The following PRMT9 variants were observed in gnomAD, a reference collection of about 807,000 sequenced individuals.
PRMT9 encodes the protein protein arginine methyltransferase 9.
In PRMT9, 59 loss-of-function variants were observed where a neutral mutation model predicts 83.2. The observed-to-expected ratio is 0.71, with a 90% CI of 0.57 to 0.88. The LOEUF is 0.88. PRMT9 is among the 40% of genes least tolerant of loss of function. The pLI is 0.00. For missense variants in PRMT9, 947 were observed against 1,021.9 expected, an observed-to-expected ratio of 0.93 and a Z score of 1.00; for synonymous variants, 333 against 353.2, an observed-to-expected ratio of 0.94 and a Z score of 0.64.
At chr4:147,640,546 C>A (rs533118631) in intron 10 of PRMT9, among the ~76,000 whole-genome samples, 1 of 152,248 alleles carries the variant, frequency 6.6e-6, no homozygotes, top group African/African-American at 2.4e-5. Flanking sequence ...AAATTTAAAT[C>A]TTCAGCCCAG....
At chr4:147,680,559 G>A (rs886383843) in intron 1 of PRMT9, 88 bp from the exon 2 acceptor site, 49 of 1,032,082 alleles carry the variant, frequency 4.7e-5, no homozygotes, top group South Asian at 5.6e-5. Flanking sequence ...CCAAGCAATC[G>A]AACTTAATCA....
At chr4:147,682,150 C>G (rs918579219) in intron 1 of PRMT9, among the ~76,000 whole-genome samples, 1 of 152,090 alleles carries the variant, frequency 6.6e-6, no homozygotes, top group Non-Finnish European at 1.5e-5. Context: ...GGACTACAGG[C>G]ACATGCCACC....
In PRMT9 at chr4:147,654,174, C is replaced by T. The variant is rs1415017824; in HGVS notation, c.1723G>A (p.Val575Ile). 2 of 1,614,184 alleles carry T rather than the reference C, an allele frequency of 1.2e-6. No individual in the cohort carries two copies. Among genetic ancestry groups the T allele is most frequent in the East Asian group, 2.2e-5 (1 of 44,878 alleles). Residue 575 changes from valine (V) to isoleucine (I), a missense_variant, in exon 9 of 12, where the codon GTA becomes ATA. Coordinates refer to ENST00000322396, the MANE Select transcript of PRMT9 (RefSeq NM_138364.4). Reference sequence around the variant, plus strand: ...TAGAAAGGTTCAAGGATGTTCTGTACAGTATTACTCTGTCCAGTTCCAGAG... The same window carrying T: ...TAGAAAGGTTCAAGGATGTTCTGTATAGTATTACTCTGTCCAGTTCCAGAG... ...MSSGTGQSNT[V>I]QNILEPFYVL...
Position 147,672,984 on chromosome 4 carries a change from C to CT in PRMT9, c.717dup (p.Glu240ArgfsTer47). On this transcript the variant is annotated frameshift_variant, in exon 4 of 12. Transcript: ENST00000322396. LOFTEE classifies it high-confidence loss of function. ...CTTTCGGGAATATGTTTTGGAATCTCTATGTCAAGTGACTTCGTATGTAAG... is the reference window on the plus strand; with the variant it reads ...CTTTCGGGAATATGTTTTGGAATCTCTTATGTCAAGTGACTTCGTATGTAAG... 2 of 1,613,868 alleles carry CT rather than the reference C, an allele frequency of 1.2e-6. No individual in the cohort carries two copies. The highest frequency in any genetic ancestry group is 8.5e-7 in the Non-Finnish European group (1 of 1,179,834).
chr4:147,642,917 T>C lies in PRMT9; in HGVS notation c.2069A>G (p.Lys690Arg), dbSNP rs762123829. ...CATCAGCACATACTGAGGAAAGATC[T>C]TGCCTCCAGATTGTAGTAAACACCT... ...ISRCLLQSGG[K>R]IFPQYVLMFG... The change falls in exon 10 of 12, where the codon AAG becomes AGG. Residue 690 changes from lysine to arginine, a missense_variant. By Grantham distance (26) the Lys-to-Arg change is conservative. Coordinates refer to ENST00000322396, the MANE Select transcript of PRMT9 (RefSeq NM_138364.4). 1 of 1,614,078 alleles carries C rather than the reference T, an allele frequency of 6.2e-7. No individual in the cohort carries two copies. Among genetic ancestry groups the C allele is most frequent in the Non-Finnish European group, 8.5e-7 (1 of 1,179,936 alleles).
chr4:147,652,293 A>T (rs761749433), intron 9 of PRMT9, among the ~76,000 whole-genome samples: 2 of 152,174 alleles, frequency 1.3e-5, no homozygotes, highest in African/African-American at 2.4e-5. Context: ...CAAAAAATAA[A>T]AAATAATAAA....
chr4:147,671,885 A>G, intron 4 of PRMT9: 1 of 456,252 alleles, frequency 2.2e-6, no homozygotes. Flanking sequence ...CCCGAAACTG[A>G]CTATACTGGA....
In PRMT9 at chr4:147,659,355, C is replaced by T. The variant is rs573192328; in HGVS notation, c.1147-1380G>A. 1.3e-3 allele frequency among the ~76,000 whole-genome samples: 200 copies of T among 150,802 alleles called. 1 individual carries two copies. Among genetic ancestry groups the T allele is most frequent in the Middle Eastern group, 3.4e-3 (1 of 294 alleles). On this transcript the variant is annotated intron_variant, in intron 7 of 11. Coordinates refer to ENST00000322396, the MANE Select transcript of PRMT9 (RefSeq NM_138364.4). ...AGTGGAGGCTGCAGTGAGCCAAGAT[C>T]GCACCACTGCACTCCAGCCTAGGCA...
rs369523108 is a variant in PRMT9, at chr4:147,673,163, A to G, written c.576-37T>C. 53 of 1,594,202 alleles carry G rather than the reference A, an allele frequency of 3.3e-5. No homozygotes were observed. The African/African-American group carries it at 6.9e-4, about 21-fold the overall frequency. ...AAAAGTTCTCCATCAAGAAAAAATA[A>G]TCTACTGTATTTTCTCAAATTTTAA... is the stretch of plus-strand genomic sequence containing the variant. On this transcript the variant is annotated intron_variant, in intron 3 of 11. Coordinates refer to ENST00000322396, the MANE Select transcript of PRMT9 (RefSeq NM_138364.4).
rs1305585873 is a variant in PRMT9, at chr4:147,654,651, C to A, written c.1331-85G>T. 3 of 850,544 alleles carry A rather than the reference C, an allele frequency of 3.5e-6. No individual in the cohort carries two copies. The East Asian group carries it at 7.3e-5, about 21-fold the overall frequency. 52.7% of individuals were successfully genotyped at this position (850,544 alleles called of 1,614,324 possible). ...TAAACATCTCCATCCTCCATCTAGC[C>A]CCCCATTCTTTAGATCACTATAGAA... On this transcript the variant is annotated intron_variant, in intron 8 of 11. Transcript: ENST00000322396.
Position 147,672,950 on chromosome 4 carries a change from T to C in PRMT9, c.743+9A>G, listed in dbSNP as rs200252024. 1.6e-4 allele frequency: 252 copies of C among 1,610,124 alleles called. 1 individual carries two copies. The highest frequency in any genetic ancestry group is 2.9e-4 in the East Asian group (13 of 44,832). ...GTATAAACACTAAAATTAGTTTACA[T>C]GATAATACCTTTCGGGAATATGTTT... is the stretch of plus-strand genomic sequence containing the variant. On this transcript the variant is annotated intron_variant, in intron 4 of 11. Coordinates refer to ENST00000322396, the MANE Select transcript of PRMT9 (RefSeq NM_138364.4).
At position 147,680,411 on chromosome 4, in the gene PRMT9, G is replaced by A; in HGVS notation, c.250C>T (p.Gln84Ter). 6.2e-6 allele frequency: 10 copies of A among 1,614,014 alleles called. No individual in the cohort carries two copies. The highest frequency in any genetic ancestry group is 1.3e-5 in the African/African-American group (1 of 75,036). ...AEELDALSRI[Q>*]DLLGCYEQAL... is the part of the protein sequence containing the mutation. ...TGCTCATAGCAACCAAGTAAGTCTT[G>A]TATCCGACTGAGAGCATCAAGCTCT... Residue 84 changes from glutamine to a stop codon, truncating the protein, a stop_gained, in exon 2 of 12, where the codon CAA (glutamine) becomes TAA (stop). Coordinates refer to ENST00000322396, the MANE Select transcript of PRMT9 (RefSeq NM_138364.4). LOFTEE classifies it high-confidence loss of function.
At chr4:147,677,848 G>T (rs1342238553) in intron 2 of PRMT9, among the ~76,000 whole-genome samples, 1 of 152,098 alleles carries the variant, frequency 6.6e-6, no homozygotes, top group Admixed American at 6.6e-5. Flanking sequence ...ATCCAAAATT[G>T]TAATAAATAT....
At chr4:147,650,092 T>G (rs546713487) in intron 9 of PRMT9, among the ~76,000 whole-genome samples, 1 of 152,206 alleles carries the variant, frequency 6.6e-6, no homozygotes, top group Non-Finnish European at 1.5e-5. Context: ...ACTTAAAGAC[T>G]GACAGCTTTT....
chr4:147,670,786 T>G (rs752197617), intron 4 of PRMT9, 43 bp from the exon 5 acceptor site: 1 of 1,248,968 alleles, frequency 8.0e-7, no homozygotes, highest in Non-Finnish European at 1.2e-6. Context: ...TAAAATATCA[T>G]GCTATTATAT....
Position 147,638,960 on chromosome 4 carries a change from C to T in PRMT9, c.2322G>A (p.Lys774=), listed in dbSNP as rs1733194839. 3 of 1,611,120 alleles carry T rather than the reference C, an allele frequency of 1.9e-6. No individual in the cohort carries two copies. The highest frequency in any genetic ancestry group is 3.3e-5 in the Admixed American group (2 of 59,970). The change falls in exon 11 of 12, where the codon AAG becomes AAA. Residue 774 remains lysine, a splice_region_variant and synonymous_variant. Coordinates refer to ENST00000322396, the MANE Select transcript of PRMT9 (RefSeq NM_138364.4). ...AAATCATTTTGCATGTTGTCCTTAC[C>T]TTTACTTCTCTGTTAGAGGTGTTCA... ...PYLNTSNREV[K]VYVCKSGRLT...
At chr4:147,644,721 T>C (rs936271554) in intron 9 of PRMT9, among the ~76,000 whole-genome samples, 2 of 152,084 alleles carry the variant, frequency 1.3e-5, no homozygotes, top group Non-Finnish European at 2.9e-5. Context: ...GAAGAGTTGC[T>C]ATATGAAGCT....
At chr4:147,683,720 C>CT (rs113416311) in intron 1 of PRMT9, 79 bp downstream of exon 1, 37,291 of 1,001,910 alleles carry the variant, frequency 0.037, 300 homozygotes, top group South Asian at 0.066. Flanking sequence ...AGCCCCTCCG[C>CT]TTTTTTTTTT....
At chr4:147,664,784 C>A (rs1483859448) in intron 6 of PRMT9, among the ~76,000 whole-genome samples, 1 of 151,930 alleles carries the variant, frequency 6.6e-6, no homozygotes, top group Non-Finnish European at 1.5e-5. Context: ...GCACATGTAT[C>A]CCAGAACTTA....
Sources: gnomAD v4.1 joint callset for allele counts (sites outside exome capture counted in the v4.1 genomes callset) on GRCh38, gnomAD v4.1.1 for gene constraint, MANE v1.5 for transcripts, NCBI Gene and HGNC (gene_info 2026-07-23, HGNC 2026-07-21) for gene names.